The following FAM186B variants were observed in gnomAD, a reference collection of about 807,000 sequenced individuals.
The protein encoded by FAM186B is protein FAM186B.
FAM186B carries 68 observed loss-of-function variants against 83.4 expected under a neutral mutation model. That is an observed-to-expected ratio of 0.81 (90% CI 0.67 to 1.00). FAM186B has a LOEUF of 1.00. FAM186B is among the 50% of genes least tolerant of loss of function. The probability of loss-of-function intolerance (pLI) is 0.00; values close to 1 mark genes in which losing one functional copy is unlikely to be tolerated. For missense variants in FAM186B, 983 were observed against 1,099.2 expected (o/e 0.89, Z 1.49); for synonymous variants, 389 against 422.0 (o/e 0.92, Z 0.96).
rs190574334 is a variant in FAM186B at position 49,603,695 on chromosome 12, A to G, written c.323-328T>C. 1.1e-3 allele frequency among the ~76,000 whole-genome samples: 162 copies of G among 152,346 alleles called. 2 individuals are homozygous for G. The highest frequency in any genetic ancestry group is 9.8e-3 in the Admixed American group (150 of 15,306). On this transcript the variant is annotated intron_variant, in intron 2 of 6. Transcript: ENST00000257894. The stretch of plus-strand genomic sequence containing the variant: ...CTGCTCTATGCCGATTGCCTAGTCC[A>G]ACATCTGGACAACTGAATTAATTAA...
In FAM186B at chr12:49,601,873, G is replaced by GA. The variant is rs112688595; in HGVS notation, c.506-740dup. ...TGCCTATTTAAAAACATCACTGGTGGAAAAAACAATGCTAACTTCAGATGA... is the reference window on the plus strand; with the variant it reads ...TGCCTATTTAAAAACATCACTGGTGGAAAAAAACAATGCTAACTTCAGATGA... On this transcript the variant is annotated intron_variant, in intron 3 of 6. Coordinates refer to ENST00000257894, the MANE Select transcript of FAM186B (RefSeq NM_032130.3). Among the ~76,000 whole-genome samples, 76 of 152,044 alleles carry GA rather than the reference G, an allele frequency of 5.0e-4. 1 individual carries two copies. Among genetic ancestry groups the GA allele is most frequent in the African/African-American group, 1.8e-3 (75 of 41,478 alleles).
At chr12:49,583,101 G>T (rs1240115326), downstream of FAM186B, 3 of 455,708 alleles carry the variant, frequency 6.6e-6, no homozygotes, top group African/African-American at 6.0e-5. Flanking sequence ...TAAGCACAGT[G>T]CCAAGAGCCT....
At chr12:49,617,147 G>A in the FAM186B span, among the ~76,000 whole-genome samples, 16 of 152,234 alleles carry the variant, frequency 1.1e-4, no homozygotes, top group Admixed American at 9.2e-4. Context: ...TTTGGTGATC[G>A]CTAGCCCGGG....
chr12:49,605,909 C>T (rs930626019), upstream of FAM186B, among the ~76,000 whole-genome samples: 3 of 151,792 alleles, frequency 2.0e-5, no homozygotes, highest in Admixed American at 6.6e-5. Flanking sequence ...CAGGTGCGTG[C>T]CACCACGCCT....
the FAM186B span, chr12:49,619,340 A>G: frequency 2.7e-6 from 1 of 370,316 alleles, no homozygotes; most frequent in Non-Finnish European, 4.8e-6. Context: ...CACTGTGTCA[A>G]CAAATACAGA....
chr12:49,608,170 CT>C (rs1165769456), upstream of FAM186B, among the ~76,000 whole-genome samples: 1 of 150,682 alleles, frequency 6.6e-6, no homozygotes, highest in Non-Finnish European at 1.5e-5. Flanking sequence ...GCCTGGGCAA[CT>C]TAGCAAGACT....
chr12:49,618,338 C>T, the FAM186B span, among the ~76,000 whole-genome samples: 3 of 149,664 alleles, frequency 2.0e-5, no homozygotes, highest in Non-Finnish European at 3.0e-5. Context: ...AGTGAGACTC[C>T]GTCTGAAAAA....
In FAM186B at chr12:49,588,607, T is replaced by A. The variant is rs751544178; in HGVS notation, c.2381A>T (p.Asn794Ile). The change falls in exon 6 of 7, where the codon AAC (asparagine) becomes ATC (isoleucine). Residue 794 changes from asparagine (N) to isoleucine (I), a missense_variant. Physicochemically the swap from Asn to Ile is moderately radical, Grantham distance 149. Transcript: ENST00000257894. Reference sequence around the variant, plus strand: ...GACCTCAGGGATGTTCAGGTGAACGTTCCACTCCAGCTGGAGCTAGAGGAA... The same window carrying A: ...GACCTCAGGGATGTTCAGGTGAACGATCCACTCCAGCTGGAGCTAGAGGAA... Reference protein sequence around the residue: ...TMFPKLQLEWNVHLNIPEVTS... With the variant: ...TMFPKLQLEWIVHLNIPEVTS... The A allele has an allele frequency of 6.9e-6, 11 of 1,588,734 alleles. No individual in the cohort carries two copies. In the East Asian group the frequency reaches 2.3e-4, roughly 33 times the overall value.
the FAM186B span, among the ~76,000 whole-genome samples, chr12:49,611,283 G>A: frequency 6.6e-6 from 1 of 152,144 alleles, no homozygotes; most frequent in Non-Finnish European, 1.5e-5. Flanking sequence ...TGAGGCAGGA[G>A]AATTGCTTGA....
At chr12:49,595,840 C>T (rs1592549104) in intron 5 of FAM186B, among the ~76,000 whole-genome samples, 2 of 152,230 alleles carry the variant, frequency 1.3e-5, no homozygotes, top group South Asian at 2.1e-4. Context: ...ACAAAATTAC[C>T]CGGGCGTGGC....
chr12:49,620,228 G>T, the FAM186B span, among the ~76,000 whole-genome samples: 1 of 152,174 alleles, frequency 6.6e-6, no homozygotes, highest in Non-Finnish European at 1.5e-5. Context: ...TAGTTCTAAA[G>T]AAGATAGCAA....
chr12:49,604,206 G>T, intron 2 of FAM186B, 107 bp downstream of exon 2: 1 of 831,410 alleles, frequency 1.2e-6, no homozygotes, highest in Non-Finnish European at 2.0e-6. Context: ...TGTGACACGA[G>T]TGGTGGAATG....
At chr12:49,603,973 C>T (rs1939954011) in intron 2 of FAM186B, among the ~76,000 whole-genome samples, 1 of 152,200 alleles carries the variant, frequency 6.6e-6, no homozygotes, top group African/African-American at 2.4e-5. Flanking sequence ...TCACAGCTGG[C>T]ATCAGGGCCC....
upstream of FAM186B, among the ~76,000 whole-genome samples, chr12:49,609,948 G>A (rs1940067873): frequency 6.6e-6 from 1 of 152,166 alleles, no homozygotes. Flanking sequence ...CAAGGATCAA[G>A]AATATACCCA....
At chr12:49,617,746 C>T in the FAM186B span, among the ~76,000 whole-genome samples, 1 of 152,042 alleles carries the variant, frequency 6.6e-6, no homozygotes, top group Admixed American at 6.6e-5. Flanking sequence ...GTAGATTGAA[C>T]ATGAGCATCC....
chr12:49,583,081 C>T (rs1474228454), downstream of FAM186B: 1 of 456,130 alleles, frequency 2.2e-6, no homozygotes, highest in Non-Finnish European at 4.4e-6. Context: ...AGTTCAGCCA[C>T]CAGGCCCCTT....
the FAM186B span, chr12:49,619,383 C>A: frequency 9.5e-6 from 4 of 422,356 alleles, no homozygotes; most frequent in South Asian, 1.8e-4. Flanking sequence ...ATCTAGGGAT[C>A]CAAACTTATT....
chr12:49,605,286 G>C (rs12367077), intron 1 of FAM186B, 96 bp downstream of exon 1: 2 of 1,548,084 alleles, frequency 1.3e-6, no homozygotes, highest in South Asian at 2.4e-5. Flanking sequence ...GGGCCTCTGA[G>C]GACCCAGAGC....
At chr12:49,591,965 G>A (rs892629105) in intron 5 of FAM186B, among the ~76,000 whole-genome samples, 2 of 151,970 alleles carry the variant, frequency 1.3e-5, no homozygotes, top group Non-Finnish European at 2.9e-5. Flanking sequence ...TTTTTTCTCC[G>A]AATATTTTTG....
Sources: gnomAD v4.1 joint callset for allele counts (sites outside exome capture counted in the v4.1 genomes callset) on GRCh38, gnomAD v4.1.1 for gene constraint, MANE v1.5 for transcripts, NCBI Gene and HGNC (gene_info 2026-07-23, HGNC 2026-07-21) for gene names.